The following PRKCE variants were observed in gnomAD, a reference collection of about 807,000 sequenced individuals.
PRKCE encodes protein kinase C epsilon.
Under a neutral mutation model 85.4 loss-of-function variants are expected in PRKCE, and 16 were observed. That is an observed-to-expected ratio of 0.19 (90% CI 0.13 to 0.28). The LOEUF is 0.28. Among genes scored for constraint, PRKCE ranks in the 10% least tolerant of loss-of-function variants. The pLI, the probability that PRKCE is intolerant of heterozygous loss-of-function variation, is 1.00. For synonymous variants in PRKCE, 388 were observed against 371.5 expected (o/e 1.04, Z -0.51); for missense variants, 573 against 975.2 (o/e 0.59, Z 5.49).
At chr2:46,091,968 T>C (rs749146106) in intron 11 of PRKCE, among the ~76,000 whole-genome samples, 1 of 152,236 alleles carries the variant, frequency 6.6e-6, no homozygotes, top group Non-Finnish European at 1.5e-5. Context: ...AATAAAAATC[T>C]AAGCAGTGAA....
intron 1 of PRKCE, among the ~76,000 whole-genome samples, chr2:45,681,383 G>A (rs1181278677): frequency 6.7e-6 from 1 of 150,308 alleles, no homozygotes; most frequent in South Asian, 2.1e-4. Flanking sequence ...AGTGTCTAGG[G>A]CAATGTAGTT....
chr2:45,784,650 A>G (rs957005292), intron 1 of PRKCE, among the ~76,000 whole-genome samples: 1 of 152,096 alleles, frequency 6.6e-6, no homozygotes, highest in South Asian at 2.1e-4. Flanking sequence ...TTTTAAACAA[A>G]CCTTTTTATT....
At chr2:46,149,894 T>C (rs1676446722) in intron 12 of PRKCE, among the ~76,000 whole-genome samples, 1 of 150,666 alleles carries the variant, frequency 6.6e-6, no homozygotes. Context: ...TCTCACTCTG[T>C]TACCCAGGTT....
chr2:46,059,566 C>A (rs1053094321), intron 10 of PRKCE, among the ~76,000 whole-genome samples: 22 of 152,190 alleles, frequency 1.4e-4, no homozygotes, highest in African/African-American at 4.8e-4. Context: ...CTCACATTTG[C>A]AGAGATTAGT....
At chr2:45,984,180 C>T (rs141609840) in intron 5 of PRKCE, among the ~76,000 whole-genome samples, 3,936 of 152,094 alleles carry the variant, frequency 0.026, 69 homozygotes, top group Middle Eastern at 0.054. Flanking sequence ...TCAGGTGGTC[C>T]GCCTACCTCA....
intron 11 of PRKCE, among the ~76,000 whole-genome samples, chr2:46,097,669 T>C (rs1345707396): frequency 6.6e-6 from 1 of 152,158 alleles, no homozygotes; most frequent in Non-Finnish European, 1.5e-5. Flanking sequence ...CCTTTGGAAA[T>C]GTGCACTTTA....
At chr2:45,892,974 A>T (rs1323192725) in intron 2 of PRKCE, among the ~76,000 whole-genome samples, 1 of 152,176 alleles carries the variant, frequency 6.6e-6, no homozygotes, top group Non-Finnish European at 1.5e-5. Flanking sequence ...CGTGAAAGTC[A>T]GCCTGGGCCT....
At position 46,084,846 on chromosome 2, in the gene PRKCE, G is replaced by A. The variant is rs374210574; in HGVS notation, c.1438-1362G>A. 7.9e-5 allele frequency among the ~76,000 whole-genome samples: 12 copies of A among 151,486 alleles called. No individual in the cohort carries two copies. The East Asian group carries it at 1.9e-3, about 25-fold the overall frequency. On this transcript the variant is annotated intron_variant, in intron 10 of 14. Coordinates refer to ENST00000306156, the MANE Select transcript of PRKCE (RefSeq NM_005400.3). ...ACTGGCCCCTAAACTTGCTCACTCC[G>A]TTCCCATGTCCTGGCATTGGTTCCT...
At chr2:46,120,024 C>T (rs1308504783) in intron 11 of PRKCE, among the ~76,000 whole-genome samples, 1 of 152,102 alleles carries the variant, frequency 6.6e-6, no homozygotes, top group African/African-American at 2.4e-5. Context: ...TCTGTTAAGC[C>T]CTGGGGCTCC....
chr2:45,930,762 A>T (rs1698984635), intron 2 of PRKCE, among the ~76,000 whole-genome samples: 1 of 152,238 alleles, frequency 6.6e-6, no homozygotes, highest in African/African-American at 2.4e-5. Context: ...CAGGTGTCAG[A>T]TCAGGAAGGC....
intron 10 of PRKCE, chr2:46,073,493 C>G (rs1282253965): frequency 6.6e-6 from 1 of 152,218 alleles, no homozygotes; most frequent in Non-Finnish European, 1.5e-5. Context: ...CTGGCTGTTG[C>G]ACTTCCCTCA....
chr2:45,732,335 A>T (rs1454165845), intron 1 of PRKCE, among the ~76,000 whole-genome samples: 1 of 152,164 alleles, frequency 6.6e-6, no homozygotes, highest in Non-Finnish European at 1.5e-5. Flanking sequence ...GTGTTAAAAT[A>T]TTTGGATATG....
chr2:45,832,635 G>C (rs955074790), intron 1 of PRKCE, among the ~76,000 whole-genome samples: 3 of 152,132 alleles, frequency 2.0e-5, no homozygotes, highest in South Asian at 4.1e-4. Context: ...TATCATTCAT[G>C]CAGTATGGGC....
rs557505851 is a variant in PRKCE, at chr2:46,081,546, G to A, written c.1438-4662G>A. 5.9e-5 allele frequency among the ~76,000 whole-genome samples: 9 copies of A among 152,272 alleles called. No homozygotes were observed. The East Asian group carries it at 1.5e-3, about 26-fold the overall frequency. On this transcript the variant is annotated intron_variant, in intron 10 of 14. Coordinates refer to ENST00000306156, the MANE Select transcript of PRKCE (RefSeq NM_005400.3). ...AATGCTACAACAGAGAGTGTAGCAC[G>A]TCACAGGGGGATCTGACCTTGTCAG...
intron 2 of PRKCE, among the ~76,000 whole-genome samples, chr2:45,861,440 A>T (rs1251064026): frequency 6.6e-6 from 1 of 152,242 alleles, no homozygotes; most frequent in Non-Finnish European, 1.5e-5. Context: ...CCCATGTATT[A>T]GGTTGCATAT....
At chr2:45,847,711 C>A (rs1319615057) in intron 2 of PRKCE, among the ~76,000 whole-genome samples, 2 of 152,230 alleles carry the variant, frequency 1.3e-5, no homozygotes, top group Non-Finnish European at 2.9e-5. Flanking sequence ...GAGTTTGCCA[C>A]ATGGCAGTGA....
intron 1 of PRKCE, among the ~76,000 whole-genome samples, chr2:45,665,036 G>C (rs1675847578): frequency 6.6e-6 from 1 of 152,220 alleles, no homozygotes; most frequent in Non-Finnish European, 1.5e-5. Context: ...TGTTGGAATT[G>C]CTAAAGAGTA....
At chr2:45,751,765 C>G (rs2104748877) in intron 1 of PRKCE, among the ~76,000 whole-genome samples, 1 of 151,766 alleles carries the variant, frequency 6.6e-6, no homozygotes, top group African/African-American at 2.4e-5. Context: ...CCCATAACCC[C>G]ACCCCCAGTG....
chr2:46,104,244 A>T lies in PRKCE; in HGVS notation c.1592+17882A>T, dbSNP rs1671500529. Among the ~76,000 whole-genome samples, 4 of 148,462 alleles carry T rather than the reference A, an allele frequency of 2.7e-5. No homozygotes were observed. The South Asian group carries it at 8.4e-4, about 31-fold the overall frequency. On this transcript the variant is annotated intron_variant, in intron 11 of 14. Coordinates refer to ENST00000306156, the MANE Select transcript of PRKCE (RefSeq NM_005400.3). ...TGATAATTCTTCTGATGTGATGTCT[A>T]TTAGCTCTTGAATTACCCCAAGATC... is the stretch of plus-strand genomic sequence containing the variant.
Sources: allele counts gnomAD v4.1 joint callset (sites outside exome capture counted in the v4.1 genomes callset), GRCh38; gene constraint gnomAD v4.1.1; transcripts MANE v1.5; gene names NCBI Gene and HGNC (gene_info 2026-07-23, HGNC 2026-07-21).